The following SLC22A9 variants were observed in gnomAD, a reference collection of about 807,000 sequenced individuals.
SLC22A9 encodes the protein organic anion transporter 7.
In SLC22A9, 64 loss-of-function variants were observed where a neutral mutation model predicts 50.1. That is an observed-to-expected ratio of 1.28 (90% CI 1.04 to 1.57). SLC22A9 has a LOEUF of 1.57. Ranked by LOEUF, SLC22A9 falls within the 40% of genes most tolerant of loss-of-function variation. The probability of loss-of-function intolerance (pLI) is 0.00; values close to 1 mark genes in which losing one functional copy is unlikely to be tolerated. For synonymous variants in SLC22A9, 261 were observed against 242.5 expected (o/e 1.08, Z -0.71); for missense variants, 757 against 676.1 (o/e 1.12, Z -1.33).
At chr11:63,379,809 G>A (rs374844081) in intron 5 of SLC22A9, among the ~76,000 whole-genome samples, 1 of 152,164 alleles carries the variant, frequency 6.6e-6, no homozygotes, top group African/African-American at 2.4e-5. Flanking sequence ...TTGGCTCACT[G>A]CAGCCTCCAC....
Position 63,400,110 on chromosome 11 carries a change from C to T in SLC22A9, c.1074-6387C>T, listed in dbSNP as rs190268265. ...AAGACTTCAAATAGCCTAGGATGTA[C>T]CTTAAAGAAGTAGAAATGCAACAAC... On this transcript the variant is annotated intron_variant, in intron 6 of 9. Transcript: ENST00000279178. 3.4e-3 allele frequency among the ~76,000 whole-genome samples: 512 copies of T among 151,888 alleles called. 3 individuals are homozygous for T. The highest frequency in any genetic ancestry group is 0.014 in the Middle Eastern group (4 of 294).
chr11:63,395,181 CT>C (rs2014832332), intron 6 of SLC22A9, among the ~76,000 whole-genome samples: 1 of 151,950 alleles, frequency 6.6e-6, no homozygotes, highest in African/African-American at 2.4e-5. Flanking sequence ...TGAGCTTTGC[CT>C]TTCTCTGGTG....
rs1351538599 is a variant in SLC22A9 at position 63,375,779 on chromosome 11, T to C, written c.954+11T>C. 9.9e-6 allele frequency: 16 copies of C among 1,610,570 alleles called. No homozygotes were observed. The highest frequency in any genetic ancestry group is 1.3e-5 in the Non-Finnish European group (15 of 1,177,858). On this transcript the variant is annotated intron_variant, in intron 5 of 9. Transcript: ENST00000279178. ...ACCCTAACCCTGGAGGTGAGCTGGA[T>C]GGGAGCTAGATATGGGATGTAGGGA... is the stretch of plus-strand genomic sequence containing the variant.
intron 5 of SLC22A9, among the ~76,000 whole-genome samples, chr11:63,377,212 A>G (rs2014476181): frequency 6.6e-6 from 1 of 152,130 alleles, no homozygotes. Flanking sequence ...ACAGATATCT[A>G]AGGAACACTC....
In SLC22A9 at chr11:63,406,559, T is replaced by C. The variant is rs1282322735; in HGVS notation, c.1136T>C (p.Val379Ala). 6.2e-7 allele frequency: 1 copy of C among 1,613,806 alleles called. No individual in the cohort carries two copies. Among genetic ancestry groups the C allele is most frequent in the Non-Finnish European group, 8.5e-7 (1 of 1,179,788 alleles). Residue 379 changes from valine to alanine, a missense_variant, in exon 7 of 10, where the codon GTT (valine) becomes GCT (alanine). Val to Ala is a moderately conservative substitution (Grantham distance 64). Transcript: ENST00000279178. The stretch of plus-strand genomic sequence containing the variant: ...CATGTCCAGCATCTGGGGAACAATG[T>C]TTTCCTGTTGCAGACTCTCTTTGGT... ...NLHVQHLGNN[V>A]FLLQTLFGAV...
intron 6 of SLC22A9, among the ~76,000 whole-genome samples, chr11:63,401,554 A>C (rs906906032): frequency 6.6e-6 from 1 of 152,170 alleles, no homozygotes; most frequent in Non-Finnish European, 1.5e-5. Flanking sequence ...CCTATTACCC[A>C]AGGCAATCTA....
chr11:63,389,272 G>A (rs932814824), intron 6 of SLC22A9, among the ~76,000 whole-genome samples: 10 of 151,506 alleles, frequency 6.6e-5, no homozygotes, highest in East Asian at 1.9e-4. Flanking sequence ...CTATCAACCC[G>A]TCATCTAGGT....
At chr11:63,395,900 G>T (rs187919460) in intron 6 of SLC22A9, among the ~76,000 whole-genome samples, 1 of 152,224 alleles carries the variant, frequency 6.6e-6, no homozygotes, top group East Asian at 1.9e-4. Context: ...GAGGATAGGG[G>T]TGAGGTTCCC....
At chr11:63,385,367 T>C (rs896354523) in intron 6 of SLC22A9, among the ~76,000 whole-genome samples, 1 of 152,122 alleles carries the variant, frequency 6.6e-6, no homozygotes, top group Non-Finnish European at 1.5e-5. Context: ...GTATTGAATC[T>C]ATAAATTGCT....
intron 6 of SLC22A9, among the ~76,000 whole-genome samples, chr11:63,401,908 T>C (rs2014957956): frequency 6.6e-6 from 1 of 152,204 alleles, no homozygotes; most frequent in Non-Finnish European, 1.5e-5. Flanking sequence ...ATGTCTTCTC[T>C]GGAGAACTGT....
At chr11:63,390,954 T>TA (rs1281864936) in intron 6 of SLC22A9, among the ~76,000 whole-genome samples, 1 of 152,118 alleles carries the variant, frequency 6.6e-6, no homozygotes, top group Non-Finnish European at 1.5e-5. Flanking sequence ...TGTAGACACT[T>TA]ATAGCTAAAA....
At chr11:63,408,629 G>A in intron 8 of SLC22A9, 47 bp from the exon 9 acceptor site, 1 of 1,542,384 alleles carries the variant, frequency 6.5e-7, no homozygotes, top group East Asian at 2.3e-5. Flanking sequence ...CAAATTGCCT[G>A]TGTGGATTTT....
rs762626372 is a variant in SLC22A9, at chr11:63,409,814, C to G, written c.1614C>G (p.Pro538=). 3 of 1,613,380 alleles carry G rather than the reference C, an allele frequency of 1.9e-6. No individual in the cohort carries two copies. Among genetic ancestry groups the G allele is most frequent in the South Asian group, 1.1e-5 (1 of 91,048 alleles). Residue 538 remains proline (P), a synonymous_variant, in exon 10 of 10, where the codon CCC becomes CCG. Coordinates refer to ENST00000279178, the MANE Select transcript of SLC22A9 (RefSeq NM_080866.3). ...IQDEKNERKD[P]REPKQEDPRV... ...GTATTTGTTCTAGGAGAAAAGACCCCAGAGAACCAAAGCAAGAGGATCCGA... is the reference window on the plus strand; with the variant it reads ...GTATTTGTTCTAGGAGAAAAGACCCGAGAGAACCAAAGCAAGAGGATCCGA...
chr11:63,381,490 A>T (rs2014559480), intron 5 of SLC22A9, among the ~76,000 whole-genome samples: 1 of 152,052 alleles, frequency 6.6e-6, no homozygotes, highest in South Asian at 2.1e-4. Flanking sequence ...CCTGAATATG[A>T]TCTCTTTCTA....
intron 6 of SLC22A9, among the ~76,000 whole-genome samples, chr11:63,386,651 T>C (rs1340552873): frequency 6.6e-6 from 1 of 151,768 alleles, no homozygotes; most frequent in Non-Finnish European, 1.5e-5. Flanking sequence ...TTTGTATTTC[T>C]ATGGGGCCAG....
rs1298859953 is a variant in SLC22A9 at position 63,373,925 on chromosome 11, C to G, written c.693C>G (p.Ala231=). 1.9e-6 allele frequency: 3 copies of G among 1,613,542 alleles called. No individual in the cohort carries two copies. The highest frequency in any genetic ancestry group is 2.5e-6 in the Non-Finnish European group (3 of 1,179,778). The stretch of plus-strand genomic sequence containing the variant: ...AGTGGGCAACACACAGATTCCAGGC[C>G]ATGGGAATTACATTGGGAATGTGCC... The part of the protein sequence containing the change: ...IAEWATHRFQ[A]MGITLGMCPS... The change falls in exon 4 of 10, where the codon GCC becomes GCG. Residue 231 remains alanine (A), a synonymous_variant. Coordinates refer to ENST00000279178, the MANE Select transcript of SLC22A9 (RefSeq NM_080866.3).
intron 6 of SLC22A9, among the ~76,000 whole-genome samples, chr11:63,406,178 C>G (rs913875875): frequency 6.6e-6 from 1 of 152,090 alleles, no homozygotes; most frequent in African/African-American, 2.4e-5. Flanking sequence ...CAAATAGAAG[C>G]TACCAAAGAT....
intron 6 of SLC22A9, among the ~76,000 whole-genome samples, chr11:63,384,868 T>C (rs535240063): frequency 9.9e-5 from 15 of 152,282 alleles, no homozygotes; most frequent in Non-Finnish European, 1.2e-4. Context: ...GTGGTTTTGA[T>C]TTGCATTTCT....
intron 6 of SLC22A9, among the ~76,000 whole-genome samples, chr11:63,387,021 G>T (rs1314960575): frequency 6.6e-6 from 1 of 151,928 alleles, no homozygotes; most frequent in Non-Finnish European, 1.5e-5. Context: ...GCTTTTTGAT[G>T]TGGGCACTTA....
Sources: allele counts gnomAD v4.1 joint callset (sites outside exome capture counted in the v4.1 genomes callset), GRCh38; gene constraint gnomAD v4.1.1; transcripts MANE v1.5; gene names NCBI Gene and HGNC (gene_info 2026-07-23, HGNC 2026-07-21).